The following ATG4B variants were observed in gnomAD, a reference collection of about 807,000 sequenced individuals.
ATG4B encodes cysteine protease ATG4B.
A neutral mutation model predicts 56.6 loss-of-function variants in ATG4B; 29 were observed. That is an observed-to-expected ratio of 0.51 (90% CI 0.38 to 0.70). The LOEUF is 0.70. Ranked by LOEUF, ATG4B falls within the 30% of genes least tolerant of loss-of-function variation. The pLI, the probability that ATG4B is intolerant of heterozygous loss-of-function variation, is 0.00. For missense variants in ATG4B, 461 were observed against 515.5 expected (o/e 0.89, Z 1.02); for synonymous variants, 224 against 206.1 (o/e 1.09, Z -0.74).
At chr2:241,654,901 G>A (rs1407038358) in intron 5 of ATG4B, 3 of 577,476 alleles carry the variant, frequency 5.2e-6, no homozygotes, top group Non-Finnish European at 9.2e-6. Context: ...AGTGCCTGGT[G>A]CTCGGCACAG....
At chr2:241,665,028 G>C (rs2068719088) in intron 7 of ATG4B, among the ~76,000 whole-genome samples, 1 of 152,210 alleles carries the variant, frequency 6.6e-6, no homozygotes, top group Non-Finnish European at 1.5e-5. Flanking sequence ...GCTGAGGCGG[G>C]AGGATTGCTT....
intron 4 of ATG4B, 64 bp downstream of exon 4, chr2:241,653,674 G>A: frequency 1.4e-6 from 2 of 1,463,294 alleles, no homozygotes; most frequent in East Asian, 2.5e-5. Context: ...GGGGACTGTG[G>A]GGTCAGGGCT....
Position 241,637,708 on chromosome 2 carries a change from T to C in ATG4B, c.-7T>C, listed in dbSNP as rs1437202922. The stretch of plus-strand genomic sequence containing the variant: ...CGCTCGGGTCAGTCGGCGGCCGGAC[T>C]GGGAAGATGGACGCAGGTGAGGAGT... On this transcript the variant is annotated 5_prime_UTR_variant, in exon 1 of 13. Coordinates refer to ENST00000404914, the MANE Select transcript of ATG4B (RefSeq NM_013325.5). 2.5e-6 allele frequency: 4 copies of C among 1,583,010 alleles called. No homozygotes were observed. Among genetic ancestry groups the C allele is most frequent in the Admixed American group, 1.8e-5 (1 of 56,366 alleles).
chr2:241,664,161 T>G (rs1472134617), intron 7 of ATG4B, among the ~76,000 whole-genome samples: 1 of 152,074 alleles, frequency 6.6e-6, no homozygotes, highest in African/African-American at 2.4e-5. Context: ...AAAATTAAAT[T>G]TATTAGAACT....
chr2:241,664,020 A>G (rs372228153), intron 7 of ATG4B, among the ~76,000 whole-genome samples: 148 of 152,180 alleles, frequency 9.7e-4, no homozygotes, highest in South Asian at 2.5e-3. Context: ...ATATTTCACC[A>G]TGTTGGCCAG....
intron 7 of ATG4B, 59 bp downstream of exon 7, chr2:241,659,246 T>C: frequency 2.1e-6 from 3 of 1,451,642 alleles, no homozygotes; most frequent in Non-Finnish European, 2.9e-6. Flanking sequence ...ACATACACAC[T>C]TCCTCGCCTG....
At chr2:241,660,577 A>T (rs1378996758) in intron 7 of ATG4B, among the ~76,000 whole-genome samples, 7 of 152,190 alleles carry the variant, frequency 4.6e-5, no homozygotes. Context: ...AATTTTTATA[A>T]AACATTGGAA....
chr2:241,662,025 C>CTT (rs1182252899), intron 7 of ATG4B, among the ~76,000 whole-genome samples: 1 of 152,188 alleles, frequency 6.6e-6, no homozygotes, highest in Non-Finnish European at 1.5e-5. Context: ...ACTCAACTCT[C>CTT]TGAGAGGCAG....
intron 7 of ATG4B, 127 bp downstream of exon 7, chr2:241,659,314 C>T (rs764436260): frequency 1.8e-5 from 15 of 833,598 alleles, no homozygotes; most frequent in African/African-American, 5.1e-5. Flanking sequence ...GCAGGTGCTC[C>T]GTGGGGCCTG....
In ATG4B at chr2:241,673,040, CGG is replaced by C. The variant is rs34851004; in HGVS notation, c.*785_*786del. 0.79 allele frequency: 126,973 copies of C among 160,974 alleles called. 49,938 individuals carry two copies. Among genetic ancestry groups the C allele is most frequent in the Middle Eastern group, 0.86 (268 of 312 alleles). 10.0% of individuals were successfully genotyped at this position (160,974 alleles called of 1,614,324 possible). A position where few individuals can be genotyped will look rare whatever the true frequency, so the allele number is the denominator to read the frequency against. On this transcript the variant is annotated 3_prime_UTR_variant, in exon 13 of 13. Transcript: ENST00000404914. ...GTGGCAGCTTCCCCAGGTGTGGTGACGGGGGGGGGGCGGGGCCTCCACCTGTG... is the reference window on the plus strand; with the variant it reads ...GTGGCAGCTTCCCCAGGTGTGGTGACGGGGGGGGCGGGGCCTCCACCTGTG...
chr2:241,638,732 C>T (rs1310959112), intron 1 of ATG4B, among the ~76,000 whole-genome samples: 2 of 152,182 alleles, frequency 1.3e-5, no homozygotes, highest in Non-Finnish European at 2.9e-5. Context: ...AGCAGCTCAC[C>T]ACTTAAATGT....
rs149252294 is a variant in ATG4B, at chr2:241,650,225, T to C, written c.11-785T>C. ...CCATGGAAGTGGTGGCATGCTCTTC[T>C]GGTAGCATTGTTGAAATGAAAACAG... On this transcript the variant is annotated intron_variant, in intron 1 of 12. Transcript: ENST00000404914. Among the ~76,000 whole-genome samples, 1,381 of 152,342 alleles carry C rather than the reference T, an allele frequency of 9.1e-3. 12 individuals carry two copies. The highest frequency in any genetic ancestry group is 0.032 in the African/African-American group (1,311 of 41,570).
At chr2:241,667,452 A>G (rs2068814016) in intron 8 of ATG4B, among the ~76,000 whole-genome samples, 1 of 151,736 alleles carries the variant, frequency 6.6e-6, no homozygotes, top group African/African-American at 2.4e-5. Context: ...AAAAATATAA[A>G]AATTAGCCGG....
rs541761135 is a variant in ATG4B at position 241,655,148 on chromosome 2, C to T, written c.386-123C>T. The T allele has an allele frequency of 2.8e-4, 256 of 903,074 alleles. No homozygotes were observed. The African/African-American group carries it at 3.3e-3, about 12-fold the overall frequency. 55.9% of individuals were successfully genotyped at this position (903,074 alleles called of 1,614,324 possible). A position where few individuals can be genotyped will look rare whatever the true frequency, so the allele number is the denominator to read the frequency against. ...CCCCGATCTTGTTGGGGCATCCTTC[C>T]GTCTGGAGGCTGGGTCGGGTGCTGT... is the stretch of plus-strand genomic sequence containing the variant. On this transcript the variant is annotated intron_variant, in intron 5 of 12. Coordinates refer to ENST00000404914, the MANE Select transcript of ATG4B (RefSeq NM_013325.5).
chr2:241,650,670 T>G (rs1395673587), intron 1 of ATG4B, among the ~76,000 whole-genome samples: 1 of 152,106 alleles, frequency 6.6e-6, no homozygotes. Flanking sequence ...TTCTCACCCC[T>G]CAGGTTGGCC....
At position 241,673,499 on chromosome 2, in the gene ATG4B, TC is replaced by T; in HGVS notation, c.*1239del. 2.3e-6 allele frequency: 1 copy of T among 430,628 alleles called. No individual in the cohort carries two copies. Among genetic ancestry groups the T allele is most frequent in the Non-Finnish European group, 4.8e-6 (1 of 209,932 alleles). 26.7% of individuals were successfully genotyped at this position (430,628 alleles called of 1,614,324 possible). A position where few individuals can be genotyped will look rare whatever the true frequency, so the allele number is the denominator to read the frequency against. On this transcript the variant is annotated 3_prime_UTR_variant, in exon 13 of 13. Coordinates refer to ENST00000404914, the MANE Select transcript of ATG4B (RefSeq NM_013325.5). Reference sequence around the variant, plus strand: ...CTTGTGTAGGTCGGGGAGCCAGAGATCCCCGAGGACGCGCGCCGGACAGTCG... The same window carrying T: ...CTTGTGTAGGTCGGGGAGCCAGAGATCCCGAGGACGCGCGCCGGACAGTCG...
chr2:241,655,465 C>T (rs753837312), intron 6 of ATG4B, 122 bp downstream of exon 6: 14 of 985,948 alleles, frequency 1.4e-5, no homozygotes, highest in Non-Finnish European at 1.8e-5. Flanking sequence ...CTTCATGGCC[C>T]TCAGAAGGTT....
intron 8 of ATG4B, among the ~76,000 whole-genome samples, chr2:241,667,646 T>A (rs1298153707): frequency 6.6e-6 from 1 of 151,244 alleles, no homozygotes; most frequent in Non-Finnish European, 1.5e-5. Context: ...AAAACCATCC[T>A]TTCTTCAGGT....
At chr2:241,664,842 T>G (rs921306356) in intron 7 of ATG4B, among the ~76,000 whole-genome samples, 1 of 152,266 alleles carries the variant, frequency 6.6e-6, no homozygotes, top group Admixed American at 6.5e-5. Context: ...CACACACCTG[T>G]AATCCCAGCT....
Sources: allele counts gnomAD v4.1 joint callset (sites outside exome capture counted in the v4.1 genomes callset), GRCh38; gene constraint gnomAD v4.1.1; transcripts MANE v1.5; gene names NCBI Gene and HGNC (gene_info 2026-07-23, HGNC 2026-07-21).